Variants in SPECC1 observed in about 807,000 individuals in gnomAD.
SPECC1 encodes sperm antigen with calponin homology and coiled-coil domains 1.
SPECC1 carries 62 observed loss-of-function variants against 104.1 expected under a neutral mutation model. That is an observed-to-expected ratio of 0.60 (90% CI 0.49 to 0.74). The LOEUF is 0.74. Among genes scored for constraint, SPECC1 ranks in the 30% least tolerant of loss-of-function variants. The pLI, the probability that SPECC1 is intolerant of heterozygous loss-of-function variation, is 0.00. For synonymous variants in SPECC1, 513 were observed against 501.6 expected, an observed-to-expected ratio of 1.02 and a Z score of -0.30; for missense variants, 1,306 against 1,310.5, an observed-to-expected ratio of 1.00 and a Z score of 0.05.
At chr17:20,300,125 T>C (rs2142072631) in intron 13 of SPECC1, among the ~76,000 whole-genome samples, 1 of 152,244 alleles carries the variant, frequency 6.6e-6, no homozygotes, top group African/African-American at 2.4e-5. Flanking sequence ...TTAAAGCCAT[T>C]AAGAGTGGAG....
At chr17:20,142,024 T>C (rs1458065673) in intron 3 of SPECC1, among the ~76,000 whole-genome samples, 1 of 152,210 alleles carries the variant, frequency 6.6e-6, no homozygotes, top group Non-Finnish European at 1.5e-5. Context: ...ACTTGAATAG[T>C]GTCATGTACA....
chr17:20,064,961 C>T (rs377165078), intron 1 of SPECC1, among the ~76,000 whole-genome samples: 2 of 152,246 alleles, frequency 1.3e-5, no homozygotes, highest in African/African-American at 2.4e-5. Context: ...AAGTCAAGTT[C>T]CTCTTAGTAG....
intron 3 of SPECC1, among the ~76,000 whole-genome samples, chr17:20,191,778 G>A (rs2035690569): frequency 1.3e-5 from 2 of 151,996 alleles, no homozygotes; most frequent in African/African-American, 4.8e-5. Flanking sequence ...CCCTTAATGG[G>A]ATTGCTGGGT....
intron 14 of SPECC1, among the ~76,000 whole-genome samples, chr17:20,307,501 G>T (rs536192986): frequency 4.6e-5 from 7 of 152,286 alleles, no homozygotes; most frequent in East Asian, 3.9e-4. Context: ...AAAGTGAAAG[G>T]CTCCCTGGGT....
intron 12 of SPECC1, among the ~76,000 whole-genome samples, chr17:20,289,624 T>TAAA (rs2041088980): frequency 6.6e-6 from 1 of 152,212 alleles, no homozygotes; most frequent in African/African-American, 2.4e-5. Flanking sequence ...AACACTTTTA[T>TAAA]ACTGTTGGTG....
rs748689632 is a variant in SPECC1, at chr17:20,240,060, A to ATTTTTTTTTT, written c.2352-5843_2352-5834dup. On this transcript the variant is annotated intron_variant, in intron 7 of 14. Coordinates refer to ENST00000395527, the MANE Select transcript of SPECC1 (RefSeq NM_001243439.2). ...AGGGGCACACCACCATGTCCAGCTAATTTTTTTTTTTTTTTTTTTTTTTTT... is the reference window on the plus strand; with the variant it reads ...AGGGGCACACCACCATGTCCAGCTAATTTTTTTTTTTTTTTTTTTTTTTTTTTTTTTTTTT... Among the ~76,000 whole-genome samples the ATTTTTTTTTT allele has an allele frequency of 6.2e-5, 2 of 32,198 alleles. 1 individual carries two copies. Among genetic ancestry groups the ATTTTTTTTTT allele is most frequent in the Non-Finnish European group, 1.0e-4 (2 of 19,360 alleles). The allele number at this position is 32,198 out of a possible 152,430, so 21.1% of individuals were successfully genotyped here. A position where few individuals can be genotyped will look rare whatever the true frequency, so the allele number is the denominator to read the frequency against.
At chr17:20,221,157 T>G (rs995608149) in intron 4 of SPECC1, among the ~76,000 whole-genome samples, 1 of 152,184 alleles carries the variant, frequency 6.6e-6, no homozygotes, top group Non-Finnish European at 1.5e-5. Flanking sequence ...TCTGGTTTTG[T>G]TATCAGGATA....
chr17:20,239,805 C>A (rs1056046807), intron 7 of SPECC1, among the ~76,000 whole-genome samples: 4 of 150,722 alleles, frequency 2.7e-5, no homozygotes, highest in African/African-American at 9.8e-5. Context: ...AGTGGAGAGC[C>A]TTGATCATAT....
chr17:20,053,084 C>T (rs1050161511), intron 1 of SPECC1, among the ~76,000 whole-genome samples: 1 of 152,120 alleles, frequency 6.6e-6, no homozygotes, highest in Admixed American at 6.5e-5. Context: ...ATGTTTTTTA[C>T]CTCTCCCTGT....
At chr17:20,174,077 A>G (rs1238771102) in intron 3 of SPECC1, among the ~76,000 whole-genome samples, 3 of 151,996 alleles carry the variant, frequency 2.0e-5, no homozygotes, top group East Asian at 3.9e-4. Flanking sequence ...GATTACAGGC[A>G]TGTGCCACCA....
chr17:20,064,450 T>C (rs1163873020), intron 1 of SPECC1, among the ~76,000 whole-genome samples: 1 of 152,196 alleles, frequency 6.6e-6, no homozygotes, highest in African/African-American at 2.4e-5. Context: ...AATGCAAATG[T>C]ATGCATAGCC....
intron 1 of SPECC1, among the ~76,000 whole-genome samples, chr17:20,046,093 G>A (rs898778991): frequency 2.0e-5 from 3 of 150,636 alleles, no homozygotes; most frequent in Middle Eastern, 7.0e-3. Flanking sequence ...GACGCTTTGA[G>A]AATTCTTTTT....
At chr17:20,039,232 GT>G (rs1355958873) in intron 1 of SPECC1, among the ~76,000 whole-genome samples, 1 of 152,186 alleles carries the variant, frequency 6.6e-6, no homozygotes, top group Non-Finnish European at 1.5e-5. Flanking sequence ...TTTTGCTATT[GT>G]TGGGTAGAGT....
rs994791730 is a variant in SPECC1 at position 20,305,689 on chromosome 17, A to AT, written c.3058-327dup. ...AATATATGCATTTATTACTTTGATA[A>AT]TTTTTTTGATATAGCATCATGATTA... On this transcript the variant is annotated intron_variant, in intron 13 of 14. Transcript: ENST00000395527. The AT allele has an allele frequency of 1.3e-5, 3 of 229,286 alleles. No homozygotes were observed. In the Admixed American group the frequency reaches 1.5e-4, roughly 12 times the overall value. 14.2% of individuals were successfully genotyped at this position (229,286 alleles called of 1,614,324 possible). A position where few individuals can be genotyped will look rare whatever the true frequency, so the allele number is the denominator to read the frequency against.
In SPECC1 at chr17:20,096,687, C is replaced by T; in HGVS notation, c.36C>T (p.Ile12=). 6.2e-7 allele frequency: 1 copy of T among 1,614,060 alleles called. No homozygotes were observed. The highest frequency in any genetic ancestry group is 1.1e-5 in the South Asian group (1 of 91,058). ...CAGCCAAGCCCTGGAACCCAGCCAT[C>T]AGAGCAGGGGGCCACGGCCCAGACC... ...RSAAKPWNPA[I]RAGGHGPDRV... is the part of the protein sequence containing the mutation. The change falls in exon 2 of 15, where the codon ATC becomes ATT. Residue 12 remains isoleucine, a synonymous_variant. Coordinates refer to ENST00000395527, the MANE Select transcript of SPECC1 (RefSeq NM_001243439.2).
chr17:20,117,483 A>G (rs2048816482), intron 3 of SPECC1, among the ~76,000 whole-genome samples: 2 of 152,020 alleles, frequency 1.3e-5, no homozygotes, highest in Admixed American at 1.3e-4. Flanking sequence ...GTTTATACAA[A>G]TCAATAAGAA....
chr17:20,266,127 T>G (rs2040206744), intron 12 of SPECC1, among the ~76,000 whole-genome samples: 3 of 152,368 alleles, frequency 2.0e-5, no homozygotes, highest in African/African-American at 7.2e-5. Context: ...ATTTGTAGTT[T>G]GATAGGAATA....
intron 1 of SPECC1, among the ~76,000 whole-genome samples, chr17:20,096,281 A>G (rs1377372089): frequency 1.3e-5 from 2 of 152,142 alleles, no homozygotes; most frequent in African/African-American, 4.8e-5. Flanking sequence ...TGGGCATTTT[A>G]TTGGTTGACT....
chr17:20,026,492 C>A (rs2044605212), intron 1 of SPECC1, among the ~76,000 whole-genome samples: 1 of 152,068 alleles, frequency 6.6e-6, no homozygotes, highest in Non-Finnish European at 1.5e-5. Flanking sequence ...TTCTGTGACC[C>A]CATTTTCTTT....
Sources: gnomAD v4.1 joint callset for allele counts (sites outside exome capture counted in the v4.1 genomes callset) on GRCh38, gnomAD v4.1.1 for gene constraint, MANE v1.5 for transcripts, NCBI Gene and HGNC (gene_info 2026-07-23, HGNC 2026-07-21) for gene names.